The following NPAS3 variants were observed in gnomAD, a reference collection of about 807,000 sequenced individuals.
The protein encoded by NPAS3 is neuronal PAS domain-containing protein 3.
A neutral mutation model predicts 73.1 loss-of-function variants in NPAS3; 14 were observed. That is an observed-to-expected ratio of 0.19 (90% CI 0.13 to 0.30). The LOEUF is 0.30. Ranked by LOEUF, NPAS3 falls within the 10% of genes least tolerant of loss-of-function variation. The pLI is 1.00. For missense variants in NPAS3, 1,096 were observed against 1,250.0 expected (o/e 0.88, Z 1.86); for synonymous variants, 620 against 541.5 (o/e 1.14, Z -2.01).
intron 4 of NPAS3, among the ~76,000 whole-genome samples, chr14:33,395,268 A>C (rs188631111): frequency 1.3e-5 from 2 of 152,146 alleles, no homozygotes; most frequent in Admixed American, 1.3e-4. Context: ...TCAGTGCCTC[A>C]GTGACAATGG....
In NPAS3 at chr14:33,589,150, A is replaced by G. The variant is rs76997785; in HGVS notation, c.558+28940A>G. Among the ~76,000 whole-genome samples the G allele has an allele frequency of 0.015, 2,313 of 152,298 alleles. 111 individuals are homozygous for G. In the East Asian group the frequency reaches 0.19, roughly 13 times the overall value. On this transcript the variant is annotated intron_variant, in intron 5 of 11. Coordinates refer to ENST00000356141, the Ensembl canonical transcript of NPAS3. Reference sequence around the variant, plus strand: ...TCTTTCAGTTTCTTTTTGAGACTGAATGTCAGGCTTATAACTAAAGGAAAC... The same window carrying G: ...TCTTTCAGTTTCTTTTTGAGACTGAGTGTCAGGCTTATAACTAAAGGAAAC...
intron 5 of NPAS3, among the ~76,000 whole-genome samples, chr14:33,642,531 T>TA (rs2058702581): frequency 6.6e-6 from 1 of 152,218 alleles, no homozygotes; most frequent in African/African-American, 2.4e-5. Flanking sequence ...TCATTTCTTT[T>TA]AAGTCTGGGT....
chr14:33,424,170 C>T (rs898347437), intron 4 of NPAS3, among the ~76,000 whole-genome samples: 1 of 152,072 alleles, frequency 6.6e-6, no homozygotes, highest in South Asian at 2.1e-4. Context: ...GAAAGTGATA[C>T]TCAAGCTGAA....
chr14:33,118,193 T>A (rs547128511), intron 2 of NPAS3, among the ~76,000 whole-genome samples: 1 of 152,120 alleles, frequency 6.6e-6, no homozygotes, highest in East Asian at 1.9e-4. Flanking sequence ...TCAAAAATAC[T>A]TTAATATTAT....
At chr14:33,569,660 T>C (rs2056119299) in intron 5 of NPAS3, among the ~76,000 whole-genome samples, 1 of 152,186 alleles carries the variant, frequency 6.6e-6, no homozygotes, top group Admixed American at 6.5e-5. Flanking sequence ...CGCTAAGGCT[T>C]TAAGGAACAT....
At chr14:33,307,613 T>TGTGTGTGTGTGTGTGTGTA (rs763634896) in intron 3 of NPAS3, among the ~76,000 whole-genome samples, 14 of 44,212 alleles carry the variant, frequency 3.2e-4, no homozygotes, top group African/African-American at 8.9e-4. Context: ...GTGTGTGTGT[T>TGTGTGTGTGTGTGTGTGTA]CGTGTGCGTG....
intron 1 of NPAS3, among the ~76,000 whole-genome samples, chr14:32,991,946 CCA>C (rs1432748999): frequency 1.3e-5 from 2 of 152,190 alleles, no homozygotes; most frequent in Non-Finnish European, 2.9e-5. Flanking sequence ...AACCAGAATG[CCA>C]AATTATTCGC....
At chr14:33,057,711 C>A (rs1251328372) in intron 2 of NPAS3, among the ~76,000 whole-genome samples, 1 of 152,066 alleles carries the variant, frequency 6.6e-6, no homozygotes. Context: ...ACACAGTAGG[C>A]AGCACAGCTG....
chr14:33,103,874 G>T (rs983140467), intron 2 of NPAS3, among the ~76,000 whole-genome samples: 1 of 152,156 alleles, frequency 6.6e-6, no homozygotes, highest in African/African-American at 2.4e-5. Flanking sequence ...GGGTAGAGCT[G>T]CAGCAAGAAA....
rs111627201 is a variant in NPAS3, at chr14:33,301,324, T to A, written c.386-65862T>A. Among the ~76,000 whole-genome samples, 325 of 75,094 alleles carry A rather than the reference T, an allele frequency of 4.3e-3. 27 individuals carry two copies. Among genetic ancestry groups the A allele is most frequent in the East Asian group, 9.2e-3 (22 of 2,392 alleles). The allele number at this position is 75,094 out of a possible 152,430, so 49.3% of individuals were successfully genotyped here. A position where few individuals can be genotyped will look rare whatever the true frequency, so the allele number is the denominator to read the frequency against. On this transcript the variant is annotated intron_variant, in intron 3 of 11. Coordinates refer to ENST00000356141, the Ensembl canonical transcript of NPAS3. ...TTTATCATTATATATATATATATAT[T>A]TTTTTTTTTTAAATCTAGCTGTAAT...
intron 3 of NPAS3, among the ~76,000 whole-genome samples, chr14:33,246,907 G>C (rs1175513374): frequency 6.8e-6 from 1 of 148,130 alleles, no homozygotes. Flanking sequence ...CCAGCTACTT[G>C]GGAGGCTGAG....
In NPAS3 at chr14:33,368,023, A is replaced by G. The variant is rs146398368; in HGVS notation, c.468+755A>G. Among the ~76,000 whole-genome samples the G allele has an allele frequency of 3.9e-3, 598 of 152,106 alleles. 4 individuals carry two copies. The highest frequency in any genetic ancestry group is 0.014 in the African/African-American group (569 of 41,528). ...TCCTGCTCCCAGGATAAATGTTGCCATGGCCACTTTTTTTAATCTGTGGAA... is the reference window on the plus strand; with the variant it reads ...TCCTGCTCCCAGGATAAATGTTGCCGTGGCCACTTTTTTTAATCTGTGGAA... On this transcript the variant is annotated intron_variant, in intron 4 of 11. Coordinates refer to ENST00000356141, the Ensembl canonical transcript of NPAS3.
rs10567527 is a variant in NPAS3, at chr14:33,789,583, C to CTTTTTTTTTTTTTTTTTTTTTTTTTT, written c.1154-4291_1154-4290insTTTTTTTTTTTTTTTTTTTTTTTTTT. ...ACTAAAAGTAATTACTAGAGTACAA[C>CTTTTTTTTTTTTTTTTTTTTTTTTTT]TTTTTTTTTTTTTTTTTTTTTTTGA... On this transcript the variant is annotated intron_variant, in intron 9 of 11. Transcript: ENST00000356141. 1.3e-4 allele frequency among the ~76,000 whole-genome samples: 12 copies of CTTTTTTTTTTTTTTTTTTTTTTTTTT among 92,412 alleles called. 1 individual carries two copies. Among genetic ancestry groups the CTTTTTTTTTTTTTTTTTTTTTTTTTT allele is most frequent in the African/African-American group, 1.7e-4 (4 of 23,084 alleles). The allele number at this position is 92,412 out of a possible 152,430, so 60.6% of individuals were successfully genotyped here.
chr14:33,229,958 G>A (rs949996287), intron 3 of NPAS3, among the ~76,000 whole-genome samples: 1 of 152,152 alleles, frequency 6.6e-6, no homozygotes, highest in Non-Finnish European at 1.5e-5. Flanking sequence ...TCTGTGGAAC[G>A]AAAACACAGC....
rs1308666451 is a variant in NPAS3 at position 33,206,265 on chromosome 14, A to G, written c.141-8917A>G. Among the ~76,000 whole-genome samples the G allele has an allele frequency of 3.9e-5, 6 of 152,218 alleles. 1 individual carries two copies. Among genetic ancestry groups the G allele is most frequent in the African/African-American group, 1.4e-4 (6 of 41,456 alleles). ...GTTATCTGGCCAAGGTTCAAATGCC[A>G]TCTCCAACCATCATTGGCCTTAGGT... On this transcript the variant is annotated intron_variant, in intron 2 of 11. Coordinates refer to ENST00000356141, the Ensembl canonical transcript of NPAS3.
chr14:33,561,572 A>G (rs957092293), intron 5 of NPAS3, among the ~76,000 whole-genome samples: 1 of 152,236 alleles, frequency 6.6e-6, no homozygotes, highest in African/African-American at 2.4e-5. Context: ...TGGTTTTGTA[A>G]TAGCCTTTAA....
At chr14:33,688,681 G>T (rs1351753233) in intron 6 of NPAS3, among the ~76,000 whole-genome samples, 2 of 152,142 alleles carry the variant, frequency 1.3e-5, no homozygotes, top group East Asian at 3.9e-4. Context: ...AAAGTTTTAA[G>T]ACAAGACCTG....
At chr14:33,532,214 A>C (rs919953944) in intron 4 of NPAS3, among the ~76,000 whole-genome samples, 2 of 151,836 alleles carry the variant, frequency 1.3e-5, no homozygotes, top group Non-Finnish European at 2.9e-5. Flanking sequence ...CAGTAAATCA[A>C]CTCCATTACT....
At chr14:33,410,002 C>G (rs1594856418) in intron 4 of NPAS3, among the ~76,000 whole-genome samples, 1 of 152,206 alleles carries the variant, frequency 6.6e-6, no homozygotes, top group Admixed American at 6.5e-5. Context: ...CTCTTCTGCC[C>G]TCTTTGTAGC....
Sources: allele counts gnomAD v4.1 joint callset (sites outside exome capture counted in the v4.1 genomes callset), GRCh38; gene constraint gnomAD v4.1.1; transcripts MANE v1.5; gene names NCBI Gene and HGNC (gene_info 2026-07-23, HGNC 2026-07-21).